IL1RAPL1: variants seen among roughly 807,000 people sequenced by gnomAD.
The protein encoded by IL1RAPL1 is interleukin-1 receptor accessory protein-like 1.
Under a neutral mutation model 48.4 loss-of-function variants are expected in IL1RAPL1, and 3 were observed. That is an observed-to-expected ratio of 0.06 (90% CI 0.03 to 0.16). The LOEUF (loss-of-function observed/expected upper bound fraction) is 0.16. IL1RAPL1 is among the 10% of genes least tolerant of loss of function. IL1RAPL1 has a pLI of 1.00. For missense variants in IL1RAPL1, 349 were observed against 530.6 expected (o/e 0.66, Z 3.36); for synonymous variants, 185 against 187.7 (o/e 0.99, Z 0.12).
At chrX:29,073,237 A>G (rs1224792550) in intron 2 of IL1RAPL1, among the ~76,000 whole-genome samples, 1 of 112,124 alleles carries the variant, frequency 8.9e-6, no homozygotes, top group Admixed American at 9.5e-5. Context: ...TAGATAATAG[A>G]AATTATAGAA....
intron 1 of IL1RAPL1, among the ~76,000 whole-genome samples, chrX:28,648,577 G>A (rs1011656282): frequency 8.9e-6 from 1 of 111,962 alleles, no homozygotes. Context: ...TCTCCCAAAG[G>A]TGAAGGCAAG....
chrX:29,792,352 CTTT>C (rs747276652), intron 6 of IL1RAPL1, among the ~76,000 whole-genome samples: 1 of 111,348 alleles, frequency 9.0e-6, no homozygotes, highest in South Asian at 3.7e-4. Context: ...GTTTTAATTT[CTTT>C]TTTTTAAATT....
intron 2 of IL1RAPL1, among the ~76,000 whole-genome samples, chrX:28,910,598 T>A (rs1394231504): frequency 1.8e-5 from 2 of 109,057 alleles, no homozygotes; most frequent in East Asian, 5.8e-4. Flanking sequence ...AAAAAAACGT[T>A]TTGTAAAGCT....
At chrX:28,975,935 G>C (rs2147371677) in intron 2 of IL1RAPL1, among the ~76,000 whole-genome samples, 1 of 111,577 alleles carries the variant, frequency 9.0e-6, no homozygotes, top group East Asian at 2.8e-4. Context: ...AAATGTAACA[G>C]CAAATGCAAA....
At chrX:29,784,135 C>T (rs747990363) in intron 6 of IL1RAPL1, among the ~76,000 whole-genome samples, 2 of 112,104 alleles carry the variant, frequency 1.8e-5, no homozygotes, top group Non-Finnish European at 1.9e-5. Flanking sequence ...ACATGCTTTC[C>T]AAATTAGGTT....
intron 1 of IL1RAPL1, among the ~76,000 whole-genome samples, chrX:28,744,217 C>A (rs753914941): frequency 1.8e-5 from 2 of 111,204 alleles, no homozygotes; most frequent in Admixed American, 9.6e-5. Context: ...TTTCCATGCA[C>A]CTATGACGGA....
chrX:29,087,133 A>AT lies in IL1RAPL1; in HGVS notation c.83-195805_83-195804insT, dbSNP rs1569234001. On this transcript the variant is annotated intron_variant, in intron 2 of 10. Coordinates refer to ENST00000378993, the MANE Select transcript of IL1RAPL1 (RefSeq NM_014271.4). ...GACATGACAGAGGACATTATTTAAA[A>AT]ATTTTTTTTTTTTTTTTTTTTTTGA... Among the ~76,000 whole-genome samples the AT allele has an allele frequency of 6.2e-3, 629 of 102,093 alleles. 9 individuals carry two copies. Among genetic ancestry groups the AT allele is most frequent in the African/African-American group, 0.024 (610 of 25,906 alleles). 88.7% of individuals were successfully genotyped at this position (102,093 alleles called of 115,157 possible). A position where few individuals can be genotyped will look rare whatever the true frequency, so the allele number is the denominator to read the frequency against.
chrX:29,498,215 T>C (rs1404354675), intron 5 of IL1RAPL1, among the ~76,000 whole-genome samples: 2 of 112,016 alleles, frequency 1.8e-5, no homozygotes, highest in Non-Finnish European at 3.8e-5. Context: ...GATGAGCCTC[T>C]TTTAGTCCCT....
At chrX:29,290,754 T>G (rs1348532362) in intron 3 of IL1RAPL1, among the ~76,000 whole-genome samples, 1 of 111,786 alleles carries the variant, frequency 8.9e-6, no homozygotes, top group Non-Finnish European at 1.9e-5. Context: ...CTCTATTATT[T>G]CTGAGGGCCT....
intron 5 of IL1RAPL1, among the ~76,000 whole-genome samples, chrX:29,502,539 A>AT (rs752259697): frequency 9.0e-6 from 1 of 111,169 alleles, no homozygotes; most frequent in South Asian, 3.7e-4. Context: ...GATATGTTGG[A>AT]TTTTATCTAA....
At chrX:29,854,950 C>T (rs1453474330) in intron 6 of IL1RAPL1, among the ~76,000 whole-genome samples, 2 of 110,908 alleles carry the variant, frequency 1.8e-5, no homozygotes, top group Non-Finnish European at 3.8e-5. Context: ...TTCTCTATAA[C>T]ACCTATTTAA....
At chrX:29,647,353 A>G (rs1179370835) in intron 5 of IL1RAPL1, among the ~76,000 whole-genome samples, 5 of 86,845 alleles carry the variant, frequency 5.8e-5, no homozygotes, top group Non-Finnish European at 8.9e-5. Context: ...GCCTCAAAAA[A>G]AAAAAAAAAA....
At position 29,109,176 on chromosome X, in the gene IL1RAPL1, A is replaced by G. The variant is rs760291778; in HGVS notation, c.83-173762A>G. 5.4e-5 allele frequency among the ~76,000 whole-genome samples: 6 copies of G among 111,494 alleles called. No homozygotes were observed. In the East Asian group the frequency reaches 1.7e-3, roughly 31 times the overall value. On this transcript the variant is annotated intron_variant, in intron 2 of 10. Transcript: ENST00000378993. ...CAAATAATTGTATTTTGAGTGTATC[A>G]TAGAGTTAAAAAGGATGGAGTCAGG...
intron 2 of IL1RAPL1, among the ~76,000 whole-genome samples, chrX:28,959,064 A>C (rs1192574104): frequency 2.7e-5 from 3 of 111,500 alleles, no homozygotes; most frequent in Non-Finnish European, 5.7e-5. Flanking sequence ...TATTTTAACT[A>C]TAAAGAAATG....
At chrX:29,029,238 G>C (rs1204724615) in intron 2 of IL1RAPL1, among the ~76,000 whole-genome samples, 1 of 111,403 alleles carries the variant, frequency 9.0e-6, no homozygotes, top group African/African-American at 3.3e-5. Flanking sequence ...TATAATTCAA[G>C]ATGAGATTTG....
chrX:28,791,576 A>G (rs1452104219), intron 2 of IL1RAPL1, among the ~76,000 whole-genome samples: 1 of 112,087 alleles, frequency 8.9e-6, no homozygotes. Flanking sequence ...TCACGTAATT[A>G]TATAATACCT....
intron 5 of IL1RAPL1, among the ~76,000 whole-genome samples, chrX:29,470,846 T>C (rs149140881): frequency 9.0e-6 from 1 of 111,295 alleles, no homozygotes; most frequent in Non-Finnish European, 1.9e-5. Flanking sequence ...TTGCCCACTC[T>C]GGTTTTGAAC....
chrX:29,792,701 T>C lies in IL1RAPL1; in HGVS notation c.778+124197T>C, dbSNP rs183355853. On this transcript the variant is annotated intron_variant, in intron 6 of 10. Transcript: ENST00000378993. ...GTAAGGCCGGTGTTAGTCTAACCTA[T>C]AGCATTCTGGTTCTTTTCTGGCTCG... 2.8e-3 allele frequency among the ~76,000 whole-genome samples: 306 copies of C among 111,182 alleles called. 3 individuals are homozygous for C. The highest frequency in any genetic ancestry group is 9.5e-3 in the African/African-American group (290 of 30,676).
chrX:29,226,610 T>C (rs1931086187), intron 2 of IL1RAPL1, among the ~76,000 whole-genome samples: 1 of 109,551 alleles, frequency 9.1e-6, no homozygotes, highest in African/African-American at 3.3e-5. Context: ...TTTTTTTGTA[T>C]TTTTAGTAGA....
Sources: allele counts gnomAD v4.1 joint callset (sites outside exome capture counted in the v4.1 genomes callset), GRCh38; gene constraint gnomAD v4.1.1; transcripts MANE v1.5; gene names NCBI Gene and HGNC (gene_info 2026-07-23, HGNC 2026-07-21).